ISLR2: variants seen among roughly 807,000 people sequenced by gnomAD.
ISLR2 encodes the protein immunoglobulin superfamily containing leucine-rich repeat protein 2.
ISLR2 carries 16 observed loss-of-function variants against 25.5 expected under a neutral mutation model. The observed-to-expected ratio is 0.63, with a 90% CI of 0.43 to 0.95. The LOEUF is 0.95. ISLR2 is among the 40% of genes least tolerant of loss of function. The pLI is 0.00. For synonymous variants in ISLR2, 508 were observed against 486.6 expected, an observed-to-expected ratio of 1.04 and a Z score of -0.58; for missense variants, 883 against 1,030.7, an observed-to-expected ratio of 0.86 and a Z score of 1.96.
chr15:74,138,786 C>G (rs896219480), downstream of ISLR2, among the ~76,000 whole-genome samples: 8 of 152,222 alleles, frequency 5.3e-5, no homozygotes, highest in African/African-American at 1.9e-4. Flanking sequence ...GGACACAACT[C>G]AAGAATATTA....
Position 74,135,028 on chromosome 15 carries a change from C to T in ISLR2, c.*36C>T, listed in dbSNP as rs200510276. ...GTCCGGCCCGCCCATTCCCGACCTCCACCTAGGGTGCCTGGGAGCAGCAGT... is the reference window on the plus strand; with the variant it reads ...GTCCGGCCCGCCCATTCCCGACCTCTACCTAGGGTGCCTGGGAGCAGCAGT... On this transcript the variant is annotated 3_prime_UTR_variant, in exon 3 of 3. Transcript: ENST00000453268. 1 of 1,593,320 alleles carries T rather than the reference C, an allele frequency of 6.3e-7. No homozygotes were observed. Among genetic ancestry groups the T allele is most frequent in the Admixed American group, 1.7e-5 (1 of 59,018 alleles).
At chr15:74,104,138 A>T (rs2072101837) in intron 2 of ISLR2, among the ~76,000 whole-genome samples, 2 of 152,198 alleles carry the variant, frequency 1.3e-5, no homozygotes, top group Non-Finnish European at 2.9e-5. Flanking sequence ...CATTACCATG[A>T]TCTAACATTG....
intron 2 of ISLR2, among the ~76,000 whole-genome samples, chr15:74,117,129 TCAAA>T (rs2072217124): frequency 6.6e-6 from 1 of 152,180 alleles, no homozygotes; most frequent in African/African-American, 2.4e-5. Flanking sequence ...TGAATGACCC[TCAAA>T]CAGTCTGGGT....
Position 74,134,188 on chromosome 15 carries a change from G to C in ISLR2, c.1434G>C (p.Glu478Asp). ...ACCACGCGTTCAACCAGAGCGCAGAGCTCAAGCCGCACGTCTTCGAGCTGG... is the reference window on the plus strand; with the variant it reads ...ACCACGCGTTCAACCAGAGCGCAGACCTCAAGCCGCACGTCTTCGAGCTGG... The part of the protein sequence containing the change: ...VSNHAFNQSA[E>D]LKPHVFELGV... The change falls in exon 3 of 3, where the codon GAG (glutamate) becomes GAC (aspartate). Residue 478 changes from glutamate to aspartate, a missense_variant. Physicochemically the swap from Glu to Asp is conservative, Grantham distance 45. This residue lies in a region of ISLR2 where 612 missense variants were observed against 642.8 expected (regional missense o/e 0.95). Transcript: ENST00000453268. The C allele has an allele frequency of 6.2e-7, 1 of 1,611,454 alleles. No homozygotes were observed. The highest frequency in any genetic ancestry group is 8.5e-7 in the Non-Finnish European group (1 of 1,179,036).
At chr15:74,141,516 A>T (rs2072610658), downstream of ISLR2, among the ~76,000 whole-genome samples, 1 of 152,240 alleles carries the variant, frequency 6.6e-6, no homozygotes, top group Non-Finnish European at 1.5e-5. Flanking sequence ...TCACACATCT[A>T]GACTAAGAAT....
upstream of ISLR2, chr15:74,126,794 G>A (rs2072302106): frequency 6.6e-6 from 1 of 152,454 alleles, no homozygotes; most frequent in Non-Finnish European, 1.5e-5. Context: ...AAGGCCGGAG[G>A]AGGGAGTATA....
chr15:74,100,902 G>A (rs1370360480), intron 1 of ISLR2, among the ~76,000 whole-genome samples: 1 of 149,480 alleles, frequency 6.7e-6, no homozygotes, highest in Non-Finnish European at 1.5e-5. Context: ...AAAAAAATCG[G>A]TTGCTTAGAT....
intron 2 of ISLR2, among the ~76,000 whole-genome samples, chr15:74,114,679 A>T (rs549708930): frequency 2.0e-4 from 30 of 152,334 alleles, no homozygotes; most frequent in African/African-American, 7.2e-4. Context: ...ATGATTGCTA[A>T]CAGGGACCAG....
At chr15:74,128,107 C>T (rs2072323682), upstream of ISLR2, 2 of 252,492 alleles carry the variant, frequency 7.9e-6, no homozygotes, top group African/African-American at 4.8e-5. Flanking sequence ...CCCTAACTGT[C>T]ATTATTAACG....
At chr15:74,137,411 T>C (rs2072580855), downstream of ISLR2, among the ~76,000 whole-genome samples, 1 of 152,210 alleles carries the variant, frequency 6.6e-6, no homozygotes, top group East Asian at 1.9e-4. Context: ...GGGAGCCAAG[T>C]GTGTGCGTTG....
At position 74,133,157 on chromosome 15, in the gene ISLR2, C is replaced by T. The variant is rs2072467359; in HGVS notation, c.403C>T (p.Leu135=). ...GCTGCTCAAAATGAACCACAACCGCCTGGGCTCTCTGCCCCGGGACGCACT... is the reference window on the plus strand; with the variant it reads ...GCTGCTCAAAATGAACCACAACCGCTTGGGCTCTCTGCCCCGGGACGCACT... ...LQLLKMNHNR[L]GSLPRDALGA... Residue 135 remains leucine (L), a synonymous_variant, in exon 3 of 3, where the codon CTG becomes TTG. Coordinates refer to ENST00000453268, the MANE Select transcript of ISLR2 (RefSeq NM_020851.3). 4 of 1,613,148 alleles carry T rather than the reference C, an allele frequency of 2.5e-6. No individual in the cohort carries two copies.
chr15:74,132,267 CG>C lies in ISLR2; in HGVS notation c.-8-479del, dbSNP rs1229599594. ...TTGGCGGTTTGATTATGAAGCCCCG[CG>C]TCTGTTTGTATTGTTGTGTGCCTGC... On this transcript the variant is annotated intron_variant, in intron 2 of 2. Coordinates refer to ENST00000453268, the MANE Select transcript of ISLR2 (RefSeq NM_020851.3). This position sits in a 1 kb window ranked among gnomAD's most constrained non-coding sequence, Gnocchi z 4.3. 6.6e-6 allele frequency among the ~76,000 whole-genome samples: 1 copy of C among 152,160 alleles called. No homozygotes were observed. The highest frequency in any genetic ancestry group is 6.5e-5 in the Admixed American group (1 of 15,284).
intron 2 of ISLR2, among the ~76,000 whole-genome samples, chr15:74,107,196 C>G (rs1243773504): frequency 6.6e-6 from 1 of 152,186 alleles, no homozygotes; most frequent in African/African-American, 2.4e-5. Context: ...CCAGGAAAGC[C>G]AAGGAGAAGT....
At position 74,134,482 on chromosome 15, in the gene ISLR2, C is replaced by T. The variant is rs1283987870; in HGVS notation, c.1728C>T (p.His576=). 1 of 1,612,976 alleles carries T rather than the reference C, an allele frequency of 6.2e-7. No individual in the cohort carries two copies. The highest frequency in any genetic ancestry group is 8.5e-7 in the Non-Finnish European group (1 of 1,179,886). Residue 576 remains histidine, a synonymous_variant, in exon 3 of 3, where the codon CAC becomes CAT. Coordinates refer to ENST00000453268, the MANE Select transcript of ISLR2 (RefSeq NM_020851.3). ...VCLALAGEAC[H]VQVVFSTKKE... Reference sequence around the variant, plus strand: ...TGGCGCTGGCGGGCGAAGCCTGCCACGTGCAAGTGGTGTTTTCCACCAAGA... The same window carrying T: ...TGGCGCTGGCGGGCGAAGCCTGCCATGTGCAAGTGGTGTTTTCCACCAAGA...
chr15:74,113,501 G>GC (rs2072186849), intron 2 of ISLR2, among the ~76,000 whole-genome samples: 1 of 152,084 alleles, frequency 6.6e-6, no homozygotes, highest in South Asian at 2.1e-4. Flanking sequence ...ATATTTTCTC[G>GC]CTTTTTCACA....
Position 74,133,396 on chromosome 15 carries a change from T to C in ISLR2, c.642T>C (p.Pro214=). 6.2e-7 allele frequency: 1 copy of C among 1,607,112 alleles called. No individual in the cohort carries two copies. The highest frequency in any genetic ancestry group is 1.6e-4 in the Middle Eastern group (1 of 6,062). ...CCGACTCCATTGCTTGTGCCTCGCC[T>C]CCCGCGCTGCAGGGGGTGCCGGTGT... ...PEPDSIACAS[P]PALQGVPVYR... Residue 214 remains proline, a synonymous_variant, in exon 3 of 3, where the codon CCT becomes CCC. Transcript: ENST00000453268.
Position 74,134,301 on chromosome 15 carries a change from C to T in ISLR2, c.1547C>T (p.Ala516Val). 1 of 1,531,076 alleles carries T rather than the reference C, an allele frequency of 6.5e-7. No individual in the cohort carries two copies. The highest frequency in any genetic ancestry group is 8.8e-7 in the Non-Finnish European group (1 of 1,140,820). 94.8% of individuals were successfully genotyped at this position (1,531,076 alleles called of 1,614,324 possible). The change falls in exon 3 of 3, where the codon GCT becomes GTT. Residue 516 changes from alanine to valine, a missense_variant. Ala to Val is a moderately conservative substitution (Grantham distance 64). This residue lies in a region of ISLR2 where 612 missense variants were observed against 642.8 expected (regional missense o/e 0.95). Transcript: ENST00000453268. The stretch of plus-strand genomic sequence containing the variant: ...CGCTGGGGCCCTGGGCCCGGCGGGG[C>T]TGGCGGAGCCCCGCGACCCGGGCGG... ...AARWGPGPGG[A>V]GGAPRPGRRP...
At chr15:74,127,346 A>G (rs1257724538), upstream of ISLR2, 1 of 152,208 alleles carries the variant, frequency 6.6e-6, no homozygotes, top group Non-Finnish European at 1.5e-5. Context: ...TGACAAAGTC[A>G]TAAGACTCAG....
chr15:74,126,780 AG>A (rs2072301960), upstream of ISLR2: 1 of 152,350 alleles, frequency 6.6e-6, no homozygotes, highest in Non-Finnish European at 1.5e-5. Context: ...AACCTGTACA[AG>A]GAAAGGCCGG....
Sources: gnomAD v4.1 joint callset for allele counts (sites outside exome capture counted in the v4.1 genomes callset) on GRCh38, gnomAD v4.1.1 for gene constraint, gnomAD v4.1.1 regional missense constraint, Gnocchi (gnomAD v3.1) non-coding constraint, MANE v1.5 for transcripts, NCBI Gene and HGNC (gene_info 2026-07-23, HGNC 2026-07-21) for gene names.